The following NSUN6 variants were observed in gnomAD, a reference collection of about 807,000 sequenced individuals.
The protein encoded by NSUN6 is tRNA (cytosine(72)-C(5))-methyltransferase NSUN6.
A neutral mutation model predicts 58.0 loss-of-function variants in NSUN6; 64 were observed. The ratio of observed to expected loss-of-function variants is 1.10; its 90% CI spans 0.90 to 1.36. NSUN6 has a LOEUF of 1.36. Ranked by LOEUF, NSUN6 falls within the 40% of genes most tolerant of loss-of-function variation. NSUN6 has a pLI of 0.00. For synonymous variants in NSUN6, 231 were observed against 193.9 expected, an observed-to-expected ratio of 1.19 and a Z score of -1.59; for missense variants, 701 against 550.1, an observed-to-expected ratio of 1.27 and a Z score of -2.74.
intron 4 of NSUN6, 82 bp from the exon 5 acceptor site, chr10:18,614,695 T>G (rs2058350187): frequency 3.4e-6 from 2 of 596,820 alleles, no homozygotes; most frequent in Non-Finnish European, 5.2e-6. Context: ...AGATCGGTGA[T>G]CTCTAGAGGC....
intron 8 of NSUN6, among the ~76,000 whole-genome samples, chr10:18,565,822 CTCCATTCCATTCCATTG>C (rs1435502313): frequency 1.4e-4 from 20 of 147,892 alleles, no homozygotes; most frequent in African/African-American, 4.7e-4. Context: ...CCATTCCATT[CTCCATTCCATTCCATTG>C]TCCATTCCAT....
chr10:18,656,814 TC>T (rs2059782370), upstream of NSUN6, among the ~76,000 whole-genome samples: 1 of 132,034 alleles, frequency 7.6e-6, no homozygotes, highest in Non-Finnish European at 1.6e-5. Flanking sequence ...TTAGTTACAA[TC>T]CTTTTTTTTT....
intron 8 of NSUN6, among the ~76,000 whole-genome samples, chr10:18,556,873 A>G (rs1377750053): frequency 1.3e-5 from 2 of 149,992 alleles, no homozygotes. Flanking sequence ...AGGGAATGGA[A>G]TGGAGAAAGG....
chr10:18,566,264 C>A (rs1412000291), intron 8 of NSUN6, among the ~76,000 whole-genome samples: 1 of 148,102 alleles, frequency 6.8e-6, no homozygotes, highest in African/African-American at 2.5e-5. Context: ...CCATTCCGTT[C>A]TCCATTCCAT....
intron 3 of NSUN6, among the ~76,000 whole-genome samples, chr10:18,629,493 C>T (rs1284567999): frequency 1.4e-5 from 2 of 147,848 alleles, no homozygotes; most frequent in Admixed American, 6.8e-5. Flanking sequence ...CATCAGTGTG[C>T]TGTATTCAGG....
At chr10:18,633,625 C>G (rs1333190843) in intron 3 of NSUN6, among the ~76,000 whole-genome samples, 1 of 151,846 alleles carries the variant, frequency 6.6e-6, no homozygotes. Context: ...GGATCAGGAC[C>G]ATGCACTTAG....
chr10:18,589,343 CT>C (rs1276539125), intron 7 of NSUN6, among the ~76,000 whole-genome samples: 1 of 152,182 alleles, frequency 6.6e-6, no homozygotes, highest in African/African-American at 2.4e-5. Flanking sequence ...GGAAAACACA[CT>C]TTAGGATATC....
chr10:18,601,521 T>TTTCTAGTGAGGAAAACCA (rs71402186), intron 6 of NSUN6, among the ~76,000 whole-genome samples: 1 of 151,714 alleles, frequency 6.6e-6, no homozygotes, highest in African/African-American at 2.4e-5. Context: ...GTAATTTTCC[T>TTTCTAGTGAGGAAAACCA]AGTGGCTGGA....
In NSUN6 at chr10:18,565,502, A is replaced by G. The variant is rs1352261310; in HGVS notation, c.923-13531T>C. Among the ~76,000 whole-genome samples, 3 of 146,268 alleles carry G rather than the reference A, an allele frequency of 2.1e-5. No homozygotes were observed. In the South Asian group the frequency reaches 6.4e-4, roughly 31 times the overall value. ...TCTATTCCATTCCATTCTCCATTCC[A>G]TTCTATTCTACTCCATTTTCCATTA... On this transcript the variant is annotated intron_variant, in intron 8 of 10. Transcript: ENST00000377304.
chr10:18,626,210 A>C (rs12784986), intron 3 of NSUN6, among the ~76,000 whole-genome samples: 30,012 of 151,696 alleles, frequency 0.2, 3,257 homozygotes, highest in South Asian at 0.31. Flanking sequence ...GGGAAATAAC[A>C]ATGTTACAAA....
rs771331332 is a variant in NSUN6, at chr10:18,596,335, GAA to G, written c.658-10_658-9del. On this transcript the variant is annotated splice_polypyrimidine_tract_variant and intron_variant, in intron 6 of 10. Coordinates refer to ENST00000377304, the MANE Select transcript of NSUN6 (RefSeq NM_182543.5). ...TAAGGCAGATGGCAAATTCTATAAG[GAA>G]AAAAATGTAATCGATTATCAATAAT... 3 of 1,534,434 alleles carry G rather than the reference GAA, an allele frequency of 2.0e-6. No individual in the cohort carries two copies. The South Asian group carries it at 3.4e-5, about 17-fold the overall frequency.
intron 7 of NSUN6, among the ~76,000 whole-genome samples, chr10:18,593,874 TTA>T (rs1491435428): frequency 8.4e-4 from 87 of 102,994 alleles, no homozygotes; most frequent in Middle Eastern, 6.3e-3. Flanking sequence ...TAAAGCACAA[TTA>T]AAAAAAAAAA....
upstream of NSUN6, chr10:18,652,128 A>C: frequency 1.0e-6 from 1 of 985,230 alleles, no homozygotes; most frequent in Non-Finnish European, 1.2e-6. Context: ...CTTAAAACCC[A>C]CAGACAGTGT....
At chr10:18,581,131 C>T (rs563842879) in intron 8 of NSUN6, among the ~76,000 whole-genome samples, 82 of 152,102 alleles carry the variant, frequency 5.4e-4, no homozygotes, top group Non-Finnish European at 1.0e-3. Context: ...GTGGCCTGCT[C>T]GCACTTGGGA....
chr10:18,586,705 A>T (rs578039713), intron 7 of NSUN6, among the ~76,000 whole-genome samples: 11 of 152,256 alleles, frequency 7.2e-5, no homozygotes, highest in Non-Finnish European at 1.5e-4. Context: ...CCAAAGAGTC[A>T]GCGGCAGCAA....
At chr10:18,554,124 G>A (rs1589825888) in intron 8 of NSUN6, among the ~76,000 whole-genome samples, 1 of 150,854 alleles carries the variant, frequency 6.6e-6, no homozygotes, top group Admixed American at 6.6e-5. Context: ...GAAGGGAATA[G>A]AATTGAATGG....
chr10:18,648,407 A>G (rs1189126359), intron 2 of NSUN6, 83 bp downstream of exon 2: 3 of 841,092 alleles, frequency 3.6e-6, no homozygotes, highest in Non-Finnish European at 5.8e-6. Context: ...GAAGTGTATT[A>G]TATCATTCAT....
intron 6 of NSUN6, among the ~76,000 whole-genome samples, chr10:18,606,397 C>T (rs1210000461): frequency 8.8e-4 from 47 of 53,172 alleles, no homozygotes; most frequent in African/African-American, 3.4e-3. Flanking sequence ...AGATAGTTAT[C>T]GCAGGCCAGA....
At chr10:18,631,204 C>A (rs1377991286) in intron 3 of NSUN6, among the ~76,000 whole-genome samples, 2 of 151,886 alleles carry the variant, frequency 1.3e-5, no homozygotes, top group Non-Finnish European at 2.9e-5. Context: ...AATTCAATAA[C>A]CCTTCATGCT....
Sources: allele counts gnomAD v4.1 joint callset (sites outside exome capture counted in the v4.1 genomes callset), GRCh38; gene constraint gnomAD v4.1.1; transcripts MANE v1.5; gene names NCBI Gene and HGNC (gene_info 2026-07-23, HGNC 2026-07-21).